The following XKR7 variants were observed in gnomAD, a reference collection of about 807,000 sequenced individuals.
XKR7 encodes XK-related protein 7.
Under a neutral mutation model 42.2 loss-of-function variants are expected in XKR7, and 11 were observed. That is an observed-to-expected ratio of 0.26 (90% CI 0.16 to 0.43). The LOEUF (loss-of-function observed/expected upper bound fraction) is 0.43. XKR7 is among the 20% of genes least tolerant of loss of function. The pLI, the probability that XKR7 is intolerant of heterozygous loss-of-function variation, is 1.00. For synonymous variants in XKR7, 346 were observed against 366.4 expected, an observed-to-expected ratio of 0.94 and a Z score of 0.64; for missense variants, 710 against 802.2, an observed-to-expected ratio of 0.89 and a Z score of 1.39.
In XKR7 at chr20:31,999,398, C is replaced by T. The variant is rs1300854055; in HGVS notation, c.*1941C>T. 1 of 152,294 alleles carries T rather than the reference C, an allele frequency of 6.6e-6. No homozygotes were observed. Among genetic ancestry groups the T allele is most frequent in the Non-Finnish European group, 1.5e-5 (1 of 68,104 alleles). The allele number at this position is 152,294 out of a possible 1,614,324, so 9.4% of individuals were successfully genotyped here. ...ACCATGATACGGGTCACCCTCCCCACCAGCACACAGGCCGAGATGGTGTAC... is the reference window on the plus strand; with the variant it reads ...ACCATGATACGGGTCACCCTCCCCATCAGCACACAGGCCGAGATGGTGTAC... On this transcript the variant is annotated 3_prime_UTR_variant, in exon 3 of 3. Coordinates refer to ENST00000562532, the MANE Select transcript of XKR7 (RefSeq NM_001011718.2).
In XKR7 at chr20:31,997,749, A is replaced by C. The variant is rs1568894891; in HGVS notation, c.*292A>C. ...TGCCCTGCTTTCATGGGGCCTCCAC[A>C]CCTCTCCCCTGCCTGGCGTTGCCCA... On this transcript the variant is annotated 3_prime_UTR_variant, in exon 3 of 3. Coordinates refer to ENST00000562532, the MANE Select transcript of XKR7 (RefSeq NM_001011718.2). 7.6e-6 allele frequency: 3 copies of C among 395,798 alleles called. No individual in the cohort carries two copies. The highest frequency in any genetic ancestry group is 1.4e-5 in the Non-Finnish European group (3 of 219,064). 24.5% of individuals were successfully genotyped at this position (395,798 alleles called of 1,614,324 possible). A position where few individuals can be genotyped will look rare whatever the true frequency, so the allele number is the denominator to read the frequency against.
At chr20:31,988,298 G>A (rs566110187) in intron 1 of XKR7, among the ~76,000 whole-genome samples, 2 of 152,282 alleles carry the variant, frequency 1.3e-5, no homozygotes, top group South Asian at 4.1e-4. Flanking sequence ...CCAAACTCTG[G>A]GGGACTGGGG....
At chr20:31,974,997 G>T (rs1400533886) in intron 1 of XKR7, among the ~76,000 whole-genome samples, 1 of 152,122 alleles carries the variant, frequency 6.6e-6, no homozygotes, top group African/African-American at 2.4e-5. Context: ...CGGCGGTTGG[G>T]CCCAGCGTCC....
intron 1 of XKR7, chr20:31,970,329 A>G (rs967367908): frequency 1.3e-5 from 2 of 152,180 alleles, no homozygotes; most frequent in Non-Finnish European, 2.9e-5. Context: ...CTATCCCCCC[A>G]TTCAGAATCC....
At position 31,996,653 on chromosome 20, in the gene XKR7, C is replaced by T. The variant is rs375099335; in HGVS notation, c.936C>T (p.Ala312=). The part of the protein sequence containing the change: ...QVLWHLFSIA[A]RGLAFALFAS... Reference sequence around the variant, plus strand: ...TGTGGCACCTGTTCAGCATTGCCGCCCGCGGCCTGGCCTTCGCGCTCTTCG... The same window carrying T: ...TGTGGCACCTGTTCAGCATTGCCGCTCGCGGCCTGGCCTTCGCGCTCTTCG... Residue 312 remains alanine, a synonymous_variant, in exon 3 of 3, where the codon GCC becomes GCT. Transcript: ENST00000562532. The T allele has an allele frequency of 1.1e-5, 18 of 1,595,594 alleles. No homozygotes were observed. Among genetic ancestry groups the T allele is most frequent in the Non-Finnish European group, 1.5e-5 (17 of 1,169,742 alleles).
rs1223857955 is a variant in XKR7, at chr20:31,968,270, A to AGGC, written c.108_110dup (p.Ala37dup). 6.9e-6 allele frequency: 8 copies of AGGC among 1,157,112 alleles called. No individual in the cohort carries two copies. The South Asian group carries it at 1.7e-4, about 24-fold the overall frequency. The allele number at this position is 1,157,112 out of a possible 1,614,324, so 71.7% of individuals were successfully genotyped here. A position where few individuals can be genotyped will look rare whatever the true frequency, so the allele number is the denominator to read the frequency against. On this transcript the variant is annotated inframe_insertion, in exon 1 of 3. Transcript: ENST00000562532. This position sits in a 1 kb window ranked among gnomAD's most constrained non-coding sequence, Gnocchi z 4.5. ...CGGGGCAGTGCCGGCGGGCGCGGGGAGGCGGCGGCGGCGGCCGGGCCCCCG... is the reference window on the plus strand; with the variant it reads ...CGGGGCAGTGCCGGCGGGCGCGGGGAGGCGGCGGCGGCGGCGGCCGGGCCCCCG...
At chr20:31,991,714 C>T (rs1029469720) in intron 1 of XKR7, among the ~76,000 whole-genome samples, 1 of 152,226 alleles carries the variant, frequency 6.6e-6, no homozygotes, top group African/African-American at 2.4e-5. Context: ...CTGGCCATTC[C>T]CCTAAAATGC....
rs2064450192 is a variant in XKR7 at position 31,968,816 on chromosome 20, T to C, written c.584+57T>C. The C allele has an allele frequency of 2.1e-6, 3 of 1,446,526 alleles. No individual in the cohort carries two copies. The highest frequency in any genetic ancestry group is 2.9e-5 in the South Asian group (2 of 69,540). 89.6% of individuals were successfully genotyped at this position (1,446,526 alleles called of 1,614,324 possible). Reference sequence around the variant, plus strand: ...CCGAGGAGTGGGGGTGGCGAAGGGCTACCTGACGTCCCAGCCCTGATCTGA... The same window carrying C: ...CCGAGGAGTGGGGGTGGCGAAGGGCCACCTGACGTCCCAGCCCTGATCTGA... On this transcript the variant is annotated intron_variant, in intron 1 of 2. Transcript: ENST00000562532. The surrounding 1 kb of genome is among the most constrained non-coding windows in gnomAD (Gnocchi z 4.5).
In XKR7 at chr20:31,980,151, A is replaced by T. The variant is rs1012993635; in HGVS notation, c.584+11392A>T. On this transcript the variant is annotated intron_variant, in intron 1 of 2. Coordinates refer to ENST00000562532, the MANE Select transcript of XKR7 (RefSeq NM_001011718.2). ...GCCCAGAAAAAAAAAAAAAAAAAAA[A>T]GAGGTGCTGTGACTCTGTAGGGGGC... Among the ~76,000 whole-genome samples, 839 of 150,842 alleles carry T rather than the reference A, an allele frequency of 5.6e-3. 4 individuals are homozygous for T. Among genetic ancestry groups the T allele is most frequent in the African/African-American group, 0.019 (764 of 40,950 alleles).
chr20:31,973,843 G>A (rs1468748701), intron 1 of XKR7, among the ~76,000 whole-genome samples: 1 of 152,192 alleles, frequency 6.6e-6, no homozygotes, highest in Non-Finnish European at 1.5e-5. Context: ...TTTGGCCAGA[G>A]AAGGAACATG....
At chr20:31,991,844 G>C (rs575235225) in intron 1 of XKR7, among the ~76,000 whole-genome samples, 23 of 152,316 alleles carry the variant, frequency 1.5e-4, no homozygotes, top group Admixed American at 1.3e-3. Context: ...CAGGCCAGGC[G>C]TGGTGGCCCA....
At chr20:31,996,161 A>T (rs1330395421) in intron 2 of XKR7, among the ~76,000 whole-genome samples, 2 of 144,466 alleles carry the variant, frequency 1.4e-5, no homozygotes, top group East Asian at 4.1e-4. Flanking sequence ...CTCCTCTTCC[A>T]CTCCCAGAGT....
Position 31,968,248 on chromosome 20 carries a change from G to A in XKR7, c.73G>A (p.Gly25Ser), listed in dbSNP as rs1257812723. ...GGAGGGGGCTGCCGGTGGAGCCCGG[G>A]GCAGTGCCGGCGGGCGCGGGGAGGC... ...DPEGAAGGAR[G>S]SAGGRGEAAA... is the part of the protein sequence containing the mutation. The change falls in exon 1 of 3, where the codon GGC becomes AGC. Residue 25 changes from glycine to serine, a missense_variant. By Grantham distance (56) the Gly-to-Ser change is moderately conservative (BLOSUM62 0). Around this residue, in one of 2 missense-constraint regions of XKR7, gnomAD observed 708 missense variants for 786.2 expected, o/e 0.90. Coordinates refer to ENST00000562532, the MANE Select transcript of XKR7 (RefSeq NM_001011718.2). This position sits in a 1 kb window ranked among gnomAD's most constrained non-coding sequence, Gnocchi z 4.5. The A allele has an allele frequency of 3.5e-6, 4 of 1,138,620 alleles. No individual in the cohort carries two copies. The highest frequency in any genetic ancestry group is 3.2e-6 in the Non-Finnish European group (3 of 928,934). 70.5% of individuals were successfully genotyped at this position (1,138,620 alleles called of 1,614,324 possible).
At position 31,988,960 on chromosome 20, in the gene XKR7, A is replaced by G. The variant is rs373320070; in HGVS notation, c.585-6108A>G. On this transcript the variant is annotated intron_variant, in intron 1 of 2. Transcript: ENST00000562532. ...GTCAGTGCCTACTCAATAATGCATC[A>G]GTGCCTATTCTACAGGCACTGATGC... is the stretch of plus-strand genomic sequence containing the variant. 6.6e-4 allele frequency among the ~76,000 whole-genome samples: 100 copies of G among 152,306 alleles called. No homozygotes were observed. In the East Asian group the frequency reaches 0.018, roughly 27 times the overall value.
chr20:31,997,086 A>G lies in XKR7; in HGVS notation c.1369A>G (p.Lys457Glu). The G allele has an allele frequency of 6.2e-7, 1 of 1,613,560 alleles. No homozygotes were observed. The highest frequency in any genetic ancestry group is 8.5e-7 in the Non-Finnish European group (1 of 1,180,014). ...GPQAPGCIFR[K>E]ASEPCGPPAD... is the part of the protein sequence containing the mutation. ...CCAGGCACCTGGTTGCATCTTCCGT[A>G]AGGCCTCAGAGCCCTGTGGCCCACC... is the stretch of plus-strand genomic sequence containing the variant. The change falls in exon 3 of 3, where the codon AAG (lysine) becomes GAG (glutamate). Residue 457 changes from lysine to glutamate, a missense_variant. Lys to Glu is a moderately conservative substitution (Grantham distance 56, BLOSUM62 1). Coordinates refer to ENST00000562532, the MANE Select transcript of XKR7 (RefSeq NM_001011718.2).
chr20:31,989,069 G>A (rs1033836792), intron 1 of XKR7, among the ~76,000 whole-genome samples: 3 of 152,114 alleles, frequency 2.0e-5, no homozygotes, highest in Non-Finnish European at 2.9e-5. Flanking sequence ...ATAAATAAAC[G>A]GTGATTTCAT....
At chr20:31,992,929 G>A (rs2064575909) in intron 1 of XKR7, among the ~76,000 whole-genome samples, 1 of 152,108 alleles carries the variant, frequency 6.6e-6, no homozygotes, top group Non-Finnish European at 1.5e-5. Flanking sequence ...GGAGAACTGT[G>A]ACTTCCTCCC....
intron 1 of XKR7, among the ~76,000 whole-genome samples, chr20:31,983,939 C>G (rs903269459): frequency 7.5e-6 from 1 of 133,158 alleles, no homozygotes; most frequent in African/African-American, 3.3e-5. Flanking sequence ...CAGAGCAAGA[C>G]TCTGTCTCAA....
Position 31,995,410 on chromosome 20 carries a change from C to T in XKR7, c.787+140C>T. The T allele has an allele frequency of 7.2e-7, 1 of 1,388,746 alleles. No homozygotes were observed. Among genetic ancestry groups the T allele is most frequent in the Non-Finnish European group, 9.6e-7 (1 of 1,042,458 alleles). 86.0% of individuals were successfully genotyped at this position (1,388,746 alleles called of 1,614,324 possible). A position where few individuals can be genotyped will look rare whatever the true frequency, so the allele number is the denominator to read the frequency against. On this transcript the variant is annotated intron_variant, in intron 2 of 2. Transcript: ENST00000562532. This position sits in a 1 kb window ranked among gnomAD's most constrained non-coding sequence, Gnocchi z 4.1. ...CAGTCAGGGTTTAGGGAGGCCTGCC[C>T]CTTCTACCCTCACCACCCTCCAGGC...
Sources: gnomAD v4.1 joint callset for allele counts (sites outside exome capture counted in the v4.1 genomes callset) on GRCh38, gnomAD v4.1.1 for gene constraint, gnomAD v4.1.1 regional missense constraint, Gnocchi (gnomAD v3.1) non-coding constraint, MANE v1.5 for transcripts, NCBI Gene and HGNC (gene_info 2026-07-23, HGNC 2026-07-21) for gene names.